The following AGBL1 variants were observed in gnomAD, a reference collection of about 807,000 sequenced individuals.
AGBL1 encodes the protein AGBL carboxypeptidase 1, also known as cytosolic carboxypeptidase 4.
A neutral mutation model predicts 118.9 loss-of-function variants in AGBL1; 130 were observed. The ratio of observed to expected loss-of-function variants is 1.09; its 90% CI spans 0.95 to 1.26. AGBL1 has a LOEUF of 1.26. AGBL1 is among the 50% of genes most tolerant of loss of function. AGBL1 has a pLI of 0.00. For synonymous variants in AGBL1, 555 were observed against 478.9 expected (o/e 1.16, Z -2.08); for missense variants, 1,584 against 1,298.1 (o/e 1.22, Z -3.38).
At chr15:86,972,399 C>G (rs2081117358) in intron 23 of AGBL1, among the ~76,000 whole-genome samples, 1 of 151,984 alleles carries the variant, frequency 6.6e-6, no homozygotes, top group South Asian at 2.1e-4. Flanking sequence ...CCATTCCAGA[C>G]CAAGACATAG....
intron 17 of AGBL1, among the ~76,000 whole-genome samples, chr15:86,355,358 T>C (rs542604001): frequency 7.2e-5 from 11 of 152,206 alleles, no homozygotes; most frequent in Non-Finnish European, 1.6e-4. Flanking sequence ...CAGGTATACA[T>C]AGCTTTATGG....
rs78112376 is a variant in AGBL1 at position 86,293,923 on chromosome 15, G to A, written c.2221-1332G>A. ...GTGGAAAAAACTTTCTACATTTTAA[G>A]CTGGGAGGATAATTTTTGGGCAGTG... is the stretch of plus-strand genomic sequence containing the variant. On this transcript the variant is annotated intron_variant, in intron 16 of 22. Coordinates refer to ENST00000614907, the MANE Select transcript of AGBL1 (RefSeq NM_001386094.1). Among the ~76,000 whole-genome samples, 145 of 152,134 alleles carry A rather than the reference G, an allele frequency of 9.5e-4. 3 individuals are homozygous for A. In the East Asian group the frequency reaches 0.027, roughly 28 times the overall value.
intron 19 of AGBL1, among the ~76,000 whole-genome samples, chr15:86,529,563 A>T (rs1046069901): frequency 8.0e-6 from 1 of 124,940 alleles, no homozygotes; most frequent in African/African-American, 4.8e-5. Context: ...AACTTCCCCA[A>T]TCTAGCAAGG....
At chr15:86,667,929 A>G (rs955587750) in intron 21 of AGBL1, among the ~76,000 whole-genome samples, 6 of 152,362 alleles carry the variant, frequency 3.9e-5, no homozygotes, top group Admixed American at 2.6e-4. Context: ...TGCAGGCTGT[A>G]AAAGCATGGC....
At chr15:86,696,052 A>T (rs780587526) in intron 22 of AGBL1, among the ~76,000 whole-genome samples, 1 of 152,054 alleles carries the variant, frequency 6.6e-6, no homozygotes, top group East Asian at 1.9e-4. Flanking sequence ...TAGAATGCAT[A>T]TTCTGTGGTT....
chr15:86,871,263 A>G (rs981098719), intron 22 of AGBL1, among the ~76,000 whole-genome samples: 7 of 152,116 alleles, frequency 4.6e-5, no homozygotes, highest in Admixed American at 1.3e-4. Context: ...GGGGCTTGCT[A>G]TTTCAAAGGG....
chr15:86,642,677 T>C lies in AGBL1; in HGVS notation c.2995-31596T>C, dbSNP rs576833708. 1.4e-4 allele frequency among the ~76,000 whole-genome samples: 21 copies of C among 152,196 alleles called. No homozygotes were observed. The South Asian group carries it at 2.1e-3, about 15-fold the overall frequency. ...ACTTTTACAATCTGAGTATAAACAC[T>C]ATTTATTGATGGTGAATTATTCCTT... is the stretch of plus-strand genomic sequence containing the variant. On this transcript the variant is annotated intron_variant, in intron 21 of 22. Transcript: ENST00000614907.
intron 6 of AGBL1, among the ~76,000 whole-genome samples, chr15:86,229,630 T>G (rs919324433): frequency 3.9e-5 from 6 of 152,126 alleles, no homozygotes; most frequent in African/African-American, 1.4e-4. Context: ...CCTCATCCTT[T>G]TTGTCATTTC....
chr15:86,382,574 C>T (rs2081127154), intron 17 of AGBL1, among the ~76,000 whole-genome samples: 1 of 152,092 alleles, frequency 6.6e-6, no homozygotes, highest in African/African-American at 2.4e-5. Context: ...AACTGGAAAT[C>T]TGAAATACCC....
intron 18 of AGBL1, among the ~76,000 whole-genome samples, chr15:86,458,749 G>T (rs2082293323): frequency 6.6e-6 from 1 of 152,166 alleles, no homozygotes; most frequent in Non-Finnish European, 1.5e-5. Context: ...CTAAGTACCT[G>T]TTGCAGAGGG....
intron 22 of AGBL1, among the ~76,000 whole-genome samples, chr15:86,739,650 A>G (rs957815749): frequency 2.6e-5 from 4 of 152,064 alleles, no homozygotes; most frequent in Admixed American, 6.5e-5. Context: ...TAAATAATCT[A>G]TCCACCCTTA....
chr15:86,723,748 G>T (rs1313638682), intron 22 of AGBL1, among the ~76,000 whole-genome samples: 1 of 152,028 alleles, frequency 6.6e-6, no homozygotes, highest in East Asian at 1.9e-4. Context: ...GAATTAAAAT[G>T]TAAATGAAAA....
At chr15:86,311,475 A>G (rs2079920323) in intron 17 of AGBL1, among the ~76,000 whole-genome samples, 1 of 152,212 alleles carries the variant, frequency 6.6e-6, no homozygotes, top group Non-Finnish European at 1.5e-5. Context: ...GCTGAAAAGA[A>G]TACGCTTTCT....
At chr15:86,811,067 C>G (rs894539172) in intron 22 of AGBL1, among the ~76,000 whole-genome samples, 4 of 152,140 alleles carry the variant, frequency 2.6e-5, no homozygotes, top group Admixed American at 2.0e-4. Context: ...AGATGATGTA[C>G]AAATATGTGG....
At chr15:86,818,288 C>T (rs939434654) in intron 22 of AGBL1, among the ~76,000 whole-genome samples, 2 of 152,116 alleles carry the variant, frequency 1.3e-5, no homozygotes. Flanking sequence ...CTGTTAGGAA[C>T]CAGGCCACAC....
intron 22 of AGBL1, among the ~76,000 whole-genome samples, chr15:86,785,163 G>A (rs1418516438): frequency 6.6e-6 from 1 of 151,974 alleles, no homozygotes; most frequent in Non-Finnish European, 1.5e-5. Flanking sequence ...AGAAAGGAGA[G>A]CCAGGGCACA....
chr15:86,291,119 T>C (rs566958354), intron 16 of AGBL1, among the ~76,000 whole-genome samples: 2 of 152,322 alleles, frequency 1.3e-5, no homozygotes, highest in East Asian at 3.9e-4. Flanking sequence ...AGTGATAGAC[T>C]GGACCAAGTC....
intron 18 of AGBL1, among the ~76,000 whole-genome samples, chr15:86,402,361 T>C (rs1035671550): frequency 6.6e-6 from 1 of 152,022 alleles, no homozygotes; most frequent in Non-Finnish European, 1.5e-5. Context: ...TTTGGATGAG[T>C]CTTTAGGGTT....
intron 16 of AGBL1, among the ~76,000 whole-genome samples, chr15:86,280,234 T>C (rs2079328665): frequency 6.6e-6 from 1 of 152,176 alleles, no homozygotes. Flanking sequence ...TGTGTGCAAG[T>C]AGCCACGCCA....
Sources: gnomAD v4.1 joint callset for allele counts (sites outside exome capture counted in the v4.1 genomes callset) on GRCh38, gnomAD v4.1.1 for gene constraint, MANE v1.5 for transcripts, NCBI Gene and HGNC (gene_info 2026-07-23, HGNC 2026-07-21) for gene names.